Variants in ANKRD44 observed in about 807,000 individuals in gnomAD.
The protein encoded by ANKRD44 is ankyrin repeat domain 44.
In ANKRD44, 35 loss-of-function variants were observed where a neutral mutation model predicts 116.0. That is an observed-to-expected ratio of 0.30 (90% CI 0.23 to 0.40). The LOEUF is 0.40. ANKRD44 is among the 10% of genes least tolerant of loss of function. The pLI is 1.00. For missense variants in ANKRD44, 1,014 were observed against 1,242.6 expected (o/e 0.82, Z 2.77); for synonymous variants, 435 against 461.8 (o/e 0.94, Z 0.74).
intron 2 of ANKRD44, among the ~76,000 whole-genome samples, chr2:197,173,011 T>C (rs531732168): frequency 1.3e-5 from 2 of 152,338 alleles, no homozygotes; most frequent in South Asian, 4.1e-4. Flanking sequence ...TGTTTTAAAA[T>C]TGTTTTTCCA....
At chr2:196,996,247 G>A (rs559723863) in intron 25 of ANKRD44, among the ~76,000 whole-genome samples, 24 of 152,258 alleles carry the variant, frequency 1.6e-4, no homozygotes, top group Admixed American at 3.9e-4. Flanking sequence ...CAGGTGATTC[G>A]TTTGCATGAT....
chr2:197,219,877 G>A (rs1256513662), intron 1 of ANKRD44, among the ~76,000 whole-genome samples: 9 of 152,186 alleles, frequency 5.9e-5, no homozygotes, highest in African/African-American at 2.2e-4. Flanking sequence ...CCAAAGGCAG[G>A]GAGAGGCCTT....
intron 7 of ANKRD44, 101 bp from the exon 8 acceptor site, chr2:197,121,645 C>T: frequency 1.0e-6 from 1 of 980,392 alleles, no homozygotes; most frequent in Non-Finnish European, 1.6e-6. Context: ...AGGAAATAGC[C>T]ATCCGCCAAT....
At chr2:197,082,229 A>G (rs974135944) in intron 14 of ANKRD44, among the ~76,000 whole-genome samples, 3 of 152,180 alleles carry the variant, frequency 2.0e-5, no homozygotes, top group South Asian at 2.1e-4. Context: ...ATCTATTCCA[A>G]TGAATTGCCT....
At chr2:197,075,828 G>A (rs2077653933) in intron 16 of ANKRD44, among the ~76,000 whole-genome samples, 2 of 152,090 alleles carry the variant, frequency 1.3e-5, no homozygotes, top group South Asian at 2.1e-4. Context: ...CAAAGTAAAC[G>A]CAGACCAAGC....
At chr2:197,154,110 C>A (rs2125461540) in intron 2 of ANKRD44, among the ~76,000 whole-genome samples, 1 of 151,984 alleles carries the variant, frequency 6.6e-6, no homozygotes, top group African/African-American at 2.4e-5. Context: ...AATTTACACT[C>A]CCACCAGTTA....
At chr2:197,170,190 C>CAAAAAAAAAAAA (rs71012960) in intron 2 of ANKRD44, among the ~76,000 whole-genome samples, 3 of 119,784 alleles carry the variant, frequency 2.5e-5, no homozygotes, top group Non-Finnish European at 3.4e-5. Context: ...ACCCTGTTTC[C>CAAAAAAAAAAAA]AAAAAAAAAA....
At chr2:197,165,965 T>C (rs1285412151) in intron 2 of ANKRD44, among the ~76,000 whole-genome samples, 1 of 152,216 alleles carries the variant, frequency 6.6e-6, no homozygotes, top group African/African-American at 2.4e-5. Flanking sequence ...ATGACACTGT[T>C]CTTGCCTTAA....
intron 1 of ANKRD44, among the ~76,000 whole-genome samples, chr2:197,253,831 A>C (rs1386268617): frequency 6.6e-6 from 1 of 152,236 alleles, no homozygotes; most frequent in African/African-American, 2.4e-5. Context: ...AGGCGACTCT[A>C]TGTGGGCTGC....
chr2:196,976,991 G>A (rs1028271444), intron 21 of ANKRD44, among the ~76,000 whole-genome samples: 2 of 152,148 alleles, frequency 1.3e-5, no homozygotes, highest in South Asian at 2.1e-4. Flanking sequence ...CAGGATAAAC[G>A]ATCAATTTTT....
chr2:197,083,727 A>G (rs1393633896), intron 13 of ANKRD44, among the ~76,000 whole-genome samples: 1 of 152,192 alleles, frequency 6.6e-6, no homozygotes, highest in African/African-American at 2.4e-5. Flanking sequence ...AGCATCTTTT[A>G]TTCAAAAATC....
At chr2:197,053,086 G>A (rs1448193175) in intron 16 of ANKRD44, among the ~76,000 whole-genome samples, 3 of 152,140 alleles carry the variant, frequency 2.0e-5, no homozygotes, top group Non-Finnish European at 4.4e-5. Flanking sequence ...CAGGAGAATT[G>A]CTTGAACCCA....
chr2:197,080,274 A>G (rs2077762783), intron 15 of ANKRD44, among the ~76,000 whole-genome samples: 1 of 152,252 alleles, frequency 6.6e-6, no homozygotes, highest in South Asian at 2.1e-4. Context: ...TATTCTCCAC[A>G]TTGCTTGTAA....
chr2:197,062,164 C>G (rs916260110), intron 16 of ANKRD44, among the ~76,000 whole-genome samples: 1 of 152,182 alleles, frequency 6.6e-6, no homozygotes, highest in Non-Finnish European at 1.5e-5. Context: ...AGCAGCCATC[C>G]TAAATTAGGT....
intron 16 of ANKRD44, among the ~76,000 whole-genome samples, chr2:197,025,590 CAA>C (rs2076576421): frequency 6.6e-6 from 1 of 152,106 alleles, no homozygotes; most frequent in Non-Finnish European, 1.5e-5. Flanking sequence ...TTGAAAAAGA[CAA>C]GACTCCTGCT....
At position 197,000,487 on chromosome 2, in the gene ANKRD44, C is replaced by A. The variant is rs757639228; in HGVS notation, c.2451G>T (p.Gly817=). Residue 817 remains glycine (G), a synonymous_variant, in exon 23 of 28, where the codon GGG becomes GGT. Coordinates refer to ENST00000282272, the MANE Select transcript of ANKRD44 (RefSeq NM_001195144.2). The stretch of plus-strand genomic sequence containing the variant: ...CCCCAAGCAGCAATGATGCACAATT[C>A]CCATGATCATTGATTCTAAAATGAA... ...PLHCAIINDH[G]NCASLLLGAI... 1.8e-5 allele frequency: 29 copies of A among 1,613,742 alleles called. No homozygotes were observed. The highest frequency in any genetic ancestry group is 2.2e-5 in the South Asian group (2 of 91,078).
Position 196,988,675 on chromosome 2 carries a change from AG to A in ANKRD44, c.*915del, listed in dbSNP as rs1286212265. On this transcript the variant is annotated 3_prime_UTR_variant, in exon 28 of 28. Coordinates refer to ENST00000282272, the MANE Select transcript of ANKRD44 (RefSeq NM_001195144.2). ...CATACACTATAAAATAGCAATTTCC[AG>A]GGTGGAAATGGAACTCATTATAAAA... The A allele has an allele frequency of 1.0e-6, 1 of 985,398 alleles. No individual in the cohort carries two copies. The highest frequency in any genetic ancestry group is 1.2e-6 in the Non-Finnish European group (1 of 829,880). 61.0% of individuals were successfully genotyped at this position (985,398 alleles called of 1,614,324 possible). A position where few individuals can be genotyped will look rare whatever the true frequency, so the allele number is the denominator to read the frequency against.
At chr2:197,150,287 A>C (rs1264594260) in intron 2 of ANKRD44, among the ~76,000 whole-genome samples, 1 of 151,986 alleles carries the variant, frequency 6.6e-6, no homozygotes, top group African/African-American at 2.4e-5. Context: ...GGTGGCTCAC[A>C]CCTGTAATCC....
chr2:197,146,971 A>T, intron 3 of ANKRD44, 56 bp downstream of exon 3: 1 of 1,516,498 alleles, frequency 6.6e-7, no homozygotes, highest in Non-Finnish European at 9.1e-7. Context: ...CAATCTAGTA[A>T]ATTGGTTATT....
Sources: allele counts gnomAD v4.1 joint callset (sites outside exome capture counted in the v4.1 genomes callset), GRCh38; gene constraint gnomAD v4.1.1; transcripts MANE v1.5; gene names NCBI Gene and HGNC (gene_info 2026-07-23, HGNC 2026-07-21).